The following BMF variants were observed in gnomAD, a reference collection of about 807,000 sequenced individuals.
BMF encodes the protein Bcl2 modifying factor.
Under a neutral mutation model 22.0 loss-of-function variants are expected in BMF, and 10 were observed. The observed-to-expected ratio is 0.45, with a 90% CI of 0.28 to 0.77. The LOEUF (loss-of-function observed/expected upper bound fraction) is 0.77, where lower values mean the gene tolerates loss of function less well. Among genes scored for constraint, BMF ranks in the 30% least tolerant of loss-of-function variants. The pLI is 0.13. For synonymous variants in BMF, 87 were observed against 88.1 expected (o/e 0.99, Z 0.07); for missense variants, 206 against 226.8 (o/e 0.91, Z 0.59).
At chr15:40,092,453 T>TC (rs1555427549) in intron 4 of BMF, among the ~76,000 whole-genome samples, 2 of 148,608 alleles carry the variant, frequency 1.3e-5, no homozygotes, top group East Asian at 3.9e-4. Context: ...ACACACAGAC[T>TC]CACACACACA....
rs56248706 is a variant in BMF, at chr15:40,106,551, CAT to C, written c.-5-462_-5-461del. 6.2e-3 allele frequency: 832 copies of C among 134,184 alleles called. 21 individuals are homozygous for C. The highest frequency in any genetic ancestry group is 0.01 in the Middle Eastern group (3 of 294). 8.3% of individuals were successfully genotyped at this position (134,184 alleles called of 1,614,324 possible). A position where few individuals can be genotyped will look rare whatever the true frequency, so the allele number is the denominator to read the frequency against. On this transcript the variant is annotated intron_variant, in intron 2 of 4. Coordinates refer to ENST00000354670, the MANE Select transcript of BMF (RefSeq NM_001003940.2). The surrounding 1 kb of genome is among the most constrained non-coding windows in gnomAD (Gnocchi z 4.1). ...ACACACACACACACACACACACACA[CAT>C]ACAGAGTCATTGTCCCAAGGAAATT...
intron 3 of BMF, 24 bp from the exon 4 acceptor site, chr15:40,104,364 C>T (rs2036542335): frequency 1.2e-5 from 20 of 1,612,428 alleles, no homozygotes; most frequent in Non-Finnish European, 1.7e-5. Flanking sequence ...GGATCCACAT[C>T]TCAGCATTCT....
chr15:40,092,281 C>T (rs2036251923), intron 4 of BMF, among the ~76,000 whole-genome samples: 2 of 152,104 alleles, frequency 1.3e-5, no homozygotes, highest in South Asian at 2.1e-4. Context: ...AAGAAGTGCC[C>T]CCCTCTCTCC....
chr15:40,092,444 C>T (rs2036257836), intron 4 of BMF, among the ~76,000 whole-genome samples: 1 of 144,438 alleles, frequency 6.9e-6, no homozygotes, highest in South Asian at 2.2e-4. Flanking sequence ...AACACGCACA[C>T]ACACAGACTC....
intron 4 of BMF, 51 bp from the exon 5 acceptor site, chr15:40,091,939 A>G: frequency 7.5e-7 from 1 of 1,332,624 alleles, no homozygotes; most frequent in Non-Finnish European, 1.1e-6. Context: ...ACGCAATCTT[A>G]GACGACTCCC....
chr15:40,097,929 A>G (rs936584876), intron 4 of BMF, among the ~76,000 whole-genome samples: 1 of 152,206 alleles, frequency 6.6e-6, no homozygotes, highest in East Asian at 1.9e-4. Context: ...CATGGGGCTC[A>G]GGATTCTAGG....
intron 4 of BMF, among the ~76,000 whole-genome samples, chr15:40,092,476 C>A (rs908814286): frequency 1.3e-5 from 2 of 151,690 alleles, no homozygotes; most frequent in Admixed American, 6.6e-5. Context: ...CACACACACA[C>A]CCTTGTGCGC....
In BMF at chr15:40,106,240, C is replaced by T. The variant is rs946361509; in HGVS notation, c.-5-149G>A. On this transcript the variant is annotated intron_variant, in intron 2 of 4. Transcript: ENST00000354670. The surrounding 1 kb of genome is among the most constrained non-coding windows in gnomAD (Gnocchi z 4.1). ...ATGACATACAACCCTGGTAATAAAG[C>T]ACTGCTAAGGGTGACATTCACTCCC... is the stretch of plus-strand genomic sequence containing the variant. The T allele has an allele frequency of 4.6e-6, 4 of 878,468 alleles. No individual in the cohort carries two copies. In the African/African-American group the frequency reaches 6.8e-5, roughly 15 times the overall value. 54.4% of individuals were successfully genotyped at this position (878,468 alleles called of 1,614,324 possible).
At chr15:40,104,765 G>GA (rs1011804042) in intron 3 of BMF, among the ~76,000 whole-genome samples, 1 of 152,152 alleles carries the variant, frequency 6.6e-6, no homozygotes, top group Admixed American at 6.5e-5. Flanking sequence ...GGCAGAGCAA[G>GA]AAAAAATCAA....
At chr15:40,103,630 A>G (rs1293218957) in intron 4 of BMF, among the ~76,000 whole-genome samples, 1 of 151,960 alleles carries the variant, frequency 6.6e-6, no homozygotes, top group Non-Finnish European at 1.5e-5. Context: ...TCCGAGGTAC[A>G]CTCTCCGGAG....
intron 4 of BMF, among the ~76,000 whole-genome samples, chr15:40,103,632 T>C (rs1368396082): frequency 2.0e-5 from 3 of 152,102 alleles, no homozygotes; most frequent in Non-Finnish European, 4.4e-5. Flanking sequence ...CGAGGTACAC[T>C]CTCCGGAGTC....
At chr15:40,097,996 G>T (rs1310486989) in intron 4 of BMF, among the ~76,000 whole-genome samples, 1 of 152,148 alleles carries the variant, frequency 6.6e-6, no homozygotes, top group Non-Finnish European at 1.5e-5. Flanking sequence ...GGACCCAGTG[G>T]GCCCACTGCC....
At chr15:40,097,312 CAACT>C (rs1567032847) in intron 4 of BMF, among the ~76,000 whole-genome samples, 1 of 151,950 alleles carries the variant, frequency 6.6e-6, no homozygotes, top group Non-Finnish European at 1.5e-5. Context: ...ACCAAGCACC[CAACT>C]GAGCTACTAA....
At position 40,105,906 on chromosome 15, in the gene BMF, G is replaced by C. The variant is rs760130188; in HGVS notation, c.181C>G (p.Arg61Gly). 2 of 1,613,996 alleles carry C rather than the reference G, an allele frequency of 1.2e-6. No homozygotes were observed. The highest frequency in any genetic ancestry group is 2.2e-5 in the East Asian group (1 of 44,890). Residue 61 changes from arginine (R) to glycine (G), a missense_variant, in exon 3 of 5, where the codon CGA (arginine) becomes GGA (glycine). Physicochemically the swap from Arg to Gly is moderately radical, Grantham distance 125 (BLOSUM62 -2). Transcript: ENST00000354670. The part of the protein sequence containing the change: ...PLTHCCGPGL[R>G]PTSQEDKATQ... Reference sequence around the variant, plus strand: ...GCTTTGTCTTCCTGGCTGGTGGGTCGAAGGCCAGGGCCACAGCAGTGGGTG... The same window carrying C: ...GCTTTGTCTTCCTGGCTGGTGGGTCCAAGGCCAGGGCCACAGCAGTGGGTG...
intron 4 of BMF, among the ~76,000 whole-genome samples, chr15:40,100,947 G>A (rs1391809953): frequency 6.6e-6 from 1 of 152,194 alleles, no homozygotes; most frequent in African/African-American, 2.4e-5. Flanking sequence ...CCACTGTCTA[G>A]CCCCAGGACA....
chr15:40,106,198 G>T lies in BMF; in HGVS notation c.-5-107C>A. ...CATACTCCCCCTTCTTATTTGAGCT[G>T]GCCGGACCACATACTGATGACATAC... is the stretch of plus-strand genomic sequence containing the variant. On this transcript the variant is annotated intron_variant, in intron 2 of 4. Transcript: ENST00000354670. The surrounding 1 kb of genome is among the most constrained non-coding windows in gnomAD (Gnocchi z 4.1). 1.6e-6 allele frequency: 2 copies of T among 1,286,420 alleles called. No individual in the cohort carries two copies. Among genetic ancestry groups the T allele is most frequent in the Non-Finnish European group, 2.1e-6 (2 of 957,510 alleles). 79.7% of individuals were successfully genotyped at this position (1,286,420 alleles called of 1,614,324 possible). A position where few individuals can be genotyped will look rare whatever the true frequency, so the allele number is the denominator to read the frequency against.
rs1390743117 is a variant in BMF at position 40,089,059 on chromosome 15, C to T, written c.*2728G>A. On this transcript the variant is annotated 3_prime_UTR_variant, in exon 5 of 5. Transcript: ENST00000354670. ...TTTCCAGTCCCTCTCCCAACCCCCA[C>T]CCTCAGCAAGCCACAAAGCCTCCAC... 2 of 152,692 alleles carry T rather than the reference C, an allele frequency of 1.3e-5. No homozygotes were observed. Among genetic ancestry groups the T allele is most frequent in the East Asian group, 1.9e-4 (1 of 5,204 alleles). 9.5% of individuals were successfully genotyped at this position (152,692 alleles called of 1,614,324 possible).
chr15:40,095,777 T>C (rs756885080), intron 4 of BMF, among the ~76,000 whole-genome samples: 2 of 152,154 alleles, frequency 1.3e-5, no homozygotes, highest in Non-Finnish European at 2.9e-5. Flanking sequence ...CCTAACATGG[T>C]AGATCACGGT....
At chr15:40,104,961 C>T (rs914539316) in intron 3 of BMF, among the ~76,000 whole-genome samples, 17 of 152,190 alleles carry the variant, frequency 1.1e-4, no homozygotes, top group African/African-American at 3.9e-4. Flanking sequence ...TTAGAACCAC[C>T]GCTAGGGGCG....
Sources: allele counts gnomAD v4.1 joint callset (sites outside exome capture counted in the v4.1 genomes callset), GRCh38; gene constraint gnomAD v4.1.1; non-coding constraint Gnocchi (gnomAD v3.1); transcripts MANE v1.5; gene names NCBI Gene and HGNC (gene_info 2026-07-23, HGNC 2026-07-21).